NDNF: variants seen among roughly 807,000 people sequenced by gnomAD.
NDNF encodes protein NDNF.
Under a neutral mutation model 42.0 loss-of-function variants are expected in NDNF, and 16 were observed. That is an observed-to-expected ratio of 0.38 (90% confidence interval 0.26 to 0.58). The LOEUF (loss-of-function observed/expected upper bound fraction) is 0.58, where lower values mean the gene tolerates loss of function less well. Ranked by LOEUF, NDNF falls within the 20% of genes least tolerant of loss-of-function variation. The pLI, the probability that NDNF is intolerant of heterozygous loss-of-function variation, is 0.67. For synonymous variants in NDNF, 248 were observed against 251.7 expected (o/e 0.99, Z 0.14); for missense variants, 616 against 666.2 (o/e 0.92, Z 0.83).
At chr4:121,057,537 G>A (rs529750479) in intron 1 of NDNF, among the ~76,000 whole-genome samples, 1 of 152,178 alleles carries the variant, frequency 6.6e-6, no homozygotes, top group Non-Finnish European at 1.5e-5. Flanking sequence ...TAACTGGCCA[G>A]TGTTAAATCC....
At chr4:121,048,506 G>T (rs1041737195) in intron 1 of NDNF, among the ~76,000 whole-genome samples, 1 of 152,150 alleles carries the variant, frequency 6.6e-6, no homozygotes, top group African/African-American at 2.4e-5. Context: ...ATCCTCAACT[G>T]CCCTAGGAAA....
intron 2 of NDNF, among the ~76,000 whole-genome samples, chr4:121,040,757 C>T (rs114617015): frequency 0.02 from 3,119 of 152,306 alleles, 53 homozygotes; most frequent in Middle Eastern, 0.051. Flanking sequence ...ATCCTCCCAC[C>T]TCAGTTTCCT....
chr4:121,049,791 T>G (rs576569965), intron 1 of NDNF, among the ~76,000 whole-genome samples: 2 of 152,304 alleles, frequency 1.3e-5, no homozygotes, highest in South Asian at 4.1e-4. Context: ...TAAAATTCCA[T>G]CAGGCCACAT....
At chr4:121,046,589 A>G (rs532353310) in intron 1 of NDNF, among the ~76,000 whole-genome samples, 6 of 152,336 alleles carry the variant, frequency 3.9e-5, no homozygotes, top group African/African-American at 1.4e-4. Flanking sequence ...ACGTTGACAT[A>G]TACACCTCTA....
chr4:121,039,182 G>GTA (rs1726942415), intron 3 of NDNF, among the ~76,000 whole-genome samples: 13 of 13,800 alleles, frequency 9.4e-4, no homozygotes, highest in South Asian at 5.8e-3. Flanking sequence ...AAGACTATGT[G>GTA]TGTGTGTGTG....
intron 1 of NDNF, among the ~76,000 whole-genome samples, chr4:121,055,026 A>T (rs1485296079): frequency 6.6e-6 from 1 of 150,888 alleles, no homozygotes; most frequent in Non-Finnish European, 1.5e-5. Flanking sequence ...TATAGAAGGG[A>T]TCTTGCCACG....
intron 1 of NDNF, among the ~76,000 whole-genome samples, chr4:121,070,693 A>T (rs1253848954): frequency 1.3e-5 from 2 of 152,238 alleles, no homozygotes; most frequent in Non-Finnish European, 2.9e-5. Context: ...TATCAACCCA[A>T]CAAAGTTGCT....
intron 2 of NDNF, 122 bp from the exon 3 acceptor site, chr4:121,040,176 A>T (rs1347395101): frequency 1.0e-6 from 1 of 989,280 alleles, no homozygotes; most frequent in African/African-American, 1.7e-5. Context: ...TAAAATTTTC[A>T]TAAAATGTCA....
At chr4:121,051,689 A>G (rs1727197325) in intron 1 of NDNF, among the ~76,000 whole-genome samples, 1 of 152,180 alleles carries the variant, frequency 6.6e-6, no homozygotes, top group Non-Finnish European at 1.5e-5. Flanking sequence ...CAATTTACCC[A>G]TCTGGGTTAA....
intron 1 of NDNF, among the ~76,000 whole-genome samples, chr4:121,056,975 A>G (rs1052664911): frequency 6.6e-6 from 1 of 152,222 alleles, no homozygotes; most frequent in Non-Finnish European, 1.5e-5. Flanking sequence ...GGGTAATTCC[A>G]CAAATACAAG....
At chr4:121,068,872 A>AT (rs560645215) in intron 1 of NDNF, among the ~76,000 whole-genome samples, 1 of 152,198 alleles carries the variant, frequency 6.6e-6, no homozygotes, top group Non-Finnish European at 1.5e-5. Context: ...TCATTATTCC[A>AT]TTTCCAATAT....
At position 121,037,127 on chromosome 4, in the gene NDNF, A is replaced by G. The variant is rs1428001168; in HGVS notation, c.844T>C (p.Ser282Pro). 1 of 1,613,980 alleles carries G rather than the reference A, an allele frequency of 6.2e-7. No homozygotes were observed. The highest frequency in any genetic ancestry group is 1.3e-5 in the African/African-American group (1 of 75,002). Residue 282 changes from serine to proline, a missense_variant, in exon 4 of 4, where the codon TCC becomes CCC. Coordinates refer to ENST00000379692, the MANE Select transcript of NDNF (RefSeq NM_024574.4). Reference sequence around the variant, plus strand: ...TTCTGAATATCAACCTTGGGCCTGGAGTAGACATGACGCCCCAGTTTTGGA... The same window carrying G: ...TTCTGAATATCAACCTTGGGCCTGGGGTAGACATGACGCCCCAGTTTTGGA... ...PSPKLGRHVY[S>P]RPKVDIQKIC... is the part of the protein sequence containing the mutation.
At chr4:121,041,965 G>T (rs984532517) in intron 2 of NDNF, among the ~76,000 whole-genome samples, 5 of 152,066 alleles carry the variant, frequency 3.3e-5, no homozygotes, top group Admixed American at 6.5e-5. Context: ...CACTACAGAG[G>T]TTTGTGACTC....
intron 1 of NDNF, among the ~76,000 whole-genome samples, chr4:121,053,173 C>T (rs1727230414): frequency 6.6e-6 from 1 of 152,214 alleles, no homozygotes; most frequent in African/African-American, 2.4e-5. Flanking sequence ...ACATGCATTT[C>T]AACTGCAATG....
At position 121,044,525 on chromosome 4, in the gene NDNF, T is replaced by A. The variant is rs9307488; in HGVS notation, c.188+1125A>T. ...ATTTTTATTTTATATATATATATATTTTAAAGGTCAAAATATTTAGAAACT... is the reference window on the plus strand; with the variant it reads ...ATTTTTATTTTATATATATATATATATTAAAGGTCAAAATATTTAGAAACT... On this transcript the variant is annotated intron_variant, in intron 2 of 3. Coordinates refer to ENST00000379692, the MANE Select transcript of NDNF (RefSeq NM_024574.4). Among the ~76,000 whole-genome samples, 562 of 150,706 alleles carry A rather than the reference T, an allele frequency of 3.7e-3. 3 individuals carry two copies. Among genetic ancestry groups the A allele is most frequent in the African/African-American group, 0.013 (544 of 41,310 alleles).
chr4:121,042,086 T>C (rs935723408), intron 2 of NDNF, among the ~76,000 whole-genome samples: 14 of 152,320 alleles, frequency 9.2e-5, no homozygotes, highest in Non-Finnish European at 1.9e-4. Flanking sequence ...CGGGCACTTA[T>C]TGTTACTTGT....
chr4:121,036,238 C>T lies in NDNF; in HGVS notation c.*26G>A. 1 of 1,539,806 alleles carries T rather than the reference C, an allele frequency of 6.5e-7. No homozygotes were observed. Among genetic ancestry groups the T allele is most frequent in the South Asian group, 1.3e-5 (1 of 79,228 alleles). On this transcript the variant is annotated 3_prime_UTR_variant, in exon 4 of 4. Transcript: ENST00000379692. ...ATTTAATGTCCCTCCTGGAGTTCTA[C>T]ATAATATATCTCTATAAGAAGGTAA...
At chr4:121,048,334 C>T (rs1191070691) in intron 1 of NDNF, among the ~76,000 whole-genome samples, 1 of 152,208 alleles carries the variant, frequency 6.6e-6, no homozygotes, top group Non-Finnish European at 1.5e-5. Context: ...CAGAGCCACT[C>T]AAGGCTTACC....
At chr4:121,041,160 T>G (rs771782941) in intron 2 of NDNF, among the ~76,000 whole-genome samples, 3 of 152,204 alleles carry the variant, frequency 2.0e-5, no homozygotes, top group Non-Finnish European at 2.9e-5. Flanking sequence ...TTAAAAAGAA[T>G]AAAAATATTG....
Sources: allele counts gnomAD v4.1 joint callset (sites outside exome capture counted in the v4.1 genomes callset), GRCh38; gene constraint gnomAD v4.1.1; transcripts MANE v1.5; gene names NCBI Gene and HGNC (gene_info 2026-07-23, HGNC 2026-07-21).